EYS: variants seen among roughly 807,000 people sequenced by gnomAD.
EYS encodes EGF-like photoreceptor maintenance factor.
EYS carries 250 observed loss-of-function variants against 282.1 expected under a neutral mutation model. The ratio of observed to expected loss-of-function variants is 0.89; its 90% CI spans 0.80 to 0.98. The LOEUF is 0.98. EYS is among the 50% of genes least tolerant of loss of function. The pLI is 0.00. For missense variants in EYS, 4,016 were observed against 3,709.0 expected (o/e 1.08, Z -2.15); for synonymous variants, 1,355 against 1,282.9 (o/e 1.06, Z -1.20).
intron 14 of EYS, among the ~76,000 whole-genome samples, chr6:64,975,909 A>AT (rs1248813388): frequency 5.9e-5 from 9 of 151,836 alleles, no homozygotes; most frequent in Non-Finnish European, 8.8e-5. Context: ...ATTTTATGTG[A>AT]TTTTTTTAAA....
chr6:63,827,883 A>T (rs1324573661), intron 36 of EYS, among the ~76,000 whole-genome samples: 1 of 151,372 alleles, frequency 6.6e-6, no homozygotes, highest in African/African-American at 2.4e-5. Context: ...AAATTACATC[A>T]AGCACTCTCT....
intron 28 of EYS, among the ~76,000 whole-genome samples, chr6:64,399,260 TA>T (rs1773473697): frequency 6.6e-6 from 1 of 151,714 alleles, no homozygotes; most frequent in Non-Finnish European, 1.5e-5. Flanking sequence ...ACAAGCAATA[TA>T]AGCTCATTAT....
chr6:64,988,740 T>C (rs191041048), intron 14 of EYS, among the ~76,000 whole-genome samples: 9 of 151,820 alleles, frequency 5.9e-5, no homozygotes, highest in Non-Finnish European at 1.0e-4. Context: ...TGTTAAGAGT[T>C]AGCAGTCTTC....
At chr6:64,435,313 C>A (rs1774705739) in intron 28 of EYS, among the ~76,000 whole-genome samples, 1 of 151,732 alleles carries the variant, frequency 6.6e-6, no homozygotes, top group Non-Finnish European at 1.5e-5. Context: ...TTTGGTCAAT[C>A]ATTTGTAAGA....
At position 63,721,592 on chromosome 6, in the gene EYS, A is replaced by T; in HGVS notation, c.8439T>A (p.Ser2813Arg). The change falls in exon 43 of 43, where the codon AGT becomes AGA. Residue 2813 changes from serine (S) to arginine (R), a missense_variant. Ser to Arg is a moderately radical substitution (Grantham distance 110). Coordinates refer to ENST00000503581, the MANE Select transcript of EYS (RefSeq NM_001142800.2). ...AGAAGTCTGTATTTGTGTCCAGAGAACTCATTTTAGTGGAGGCCTTTTCTG... is the reference window on the plus strand; with the variant it reads ...AGAAGTCTGTATTTGTGTCCAGAGATCTCATTTTAGTGGAGGCCTTTTCTG... ...NVTEKASTKMSSLDTNTDFYI... is the reference protein window; with the variant it reads ...NVTEKASTKMRSLDTNTDFYI... 6.4e-7 allele frequency: 1 copy of T among 1,551,262 alleles called. No individual in the cohort carries two copies. Among genetic ancestry groups the T allele is most frequent in the Non-Finnish European group, 8.7e-7 (1 of 1,146,554 alleles).
chr6:64,391,171 G>A (rs1006306048), intron 28 of EYS, among the ~76,000 whole-genome samples: 1 of 152,028 alleles, frequency 6.6e-6, no homozygotes, highest in African/African-American at 2.4e-5. Context: ...AAAGTGATGG[G>A]GAGAATGGAA....
At chr6:65,619,433 T>A (rs1038554387) in intron 2 of EYS, among the ~76,000 whole-genome samples, 2 of 152,238 alleles carry the variant, frequency 1.3e-5, no homozygotes, top group African/African-American at 4.8e-5. Context: ...AAGTTGTTTA[T>A]CAGCTTTAGG....
chr6:65,258,203 C>A (rs753140542), intron 12 of EYS, among the ~76,000 whole-genome samples: 1 of 151,816 alleles, frequency 6.6e-6, no homozygotes, highest in African/African-American at 2.4e-5. Flanking sequence ...ACATGGATAT[C>A]ATTTTCCAGT....
At chr6:65,313,942 G>A (rs531863451) in intron 11 of EYS, among the ~76,000 whole-genome samples, 1 of 152,292 alleles carries the variant, frequency 6.6e-6, no homozygotes, top group African/African-American at 2.4e-5. Flanking sequence ...TATCTGATCA[G>A]ACCCTCTGCA....
intron 27 of EYS, among the ~76,000 whole-genome samples, chr6:64,438,763 G>A (rs751069019): frequency 1.1e-4 from 17 of 151,510 alleles, no homozygotes; most frequent in Non-Finnish European, 2.1e-4. Flanking sequence ...TCTCCGTATA[G>A]TATATGAGCT....
rs138094968 is a variant in EYS at position 65,417,368 on chromosome 6, A to G, written c.863-12001T>C. ...GTTATTAATTCAGTTTTGGCCATGC[A>G]GGATATGAAAGTTTAGCAGTTAAAA... is the stretch of plus-strand genomic sequence containing the variant. On this transcript the variant is annotated intron_variant, in intron 5 of 42. Coordinates refer to ENST00000503581, the MANE Select transcript of EYS (RefSeq NM_001142800.2). 7.4e-3 allele frequency among the ~76,000 whole-genome samples: 1,125 copies of G among 152,176 alleles called. 6 individuals carry two copies. Among genetic ancestry groups the G allele is most frequent in the Middle Eastern group, 0.02 (6 of 294 alleles).
rs189779691 is a variant in EYS, at chr6:65,650,211, A to G, written c.-447-10319T>C. On this transcript the variant is annotated intron_variant, in intron 1 of 42. Transcript: ENST00000503581. ...AGAGAAAAGACTGAGTATCTATACC[A>G]TATAATACTTTAAATAGAAAACATT... is the stretch of plus-strand genomic sequence containing the variant. 2.7e-3 allele frequency among the ~76,000 whole-genome samples: 416 copies of G among 152,296 alleles called. 2 individuals carry two copies. Among genetic ancestry groups the G allele is most frequent in the African/African-American group, 9.6e-3 (398 of 41,568 alleles).
intron 1 of EYS, among the ~76,000 whole-genome samples, chr6:65,684,234 G>A (rs143465982): frequency 2.6e-4 from 40 of 152,106 alleles, no homozygotes; most frequent in East Asian, 1.5e-3. Flanking sequence ...AGAAGGGTGC[G>A]AGACACAGTC....
intron 28 of EYS, among the ~76,000 whole-genome samples, chr6:64,389,982 T>C (rs963489408): frequency 8.7e-5 from 13 of 149,154 alleles, no homozygotes; most frequent in Admixed American, 7.4e-4. Flanking sequence ...GGTCAGGGAG[T>C]TCCCTTTCCG....
intron 29 of EYS, among the ~76,000 whole-genome samples, chr6:64,357,456 TCTA>T (rs1393805812): frequency 6.6e-6 from 1 of 151,616 alleles, no homozygotes; most frequent in East Asian, 1.9e-4. Context: ...TGCCACTAAT[TCTA>T]AATATTTTTT....
intron 31 of EYS, among the ~76,000 whole-genome samples, chr6:64,145,409 A>C (rs9353533): frequency 0.26 from 39,702 of 152,106 alleles, 5,480 homozygotes; most frequent in East Asian, 0.45. Flanking sequence ...CTACAATGAC[A>C]CTTAGAAATA....
intron 35 of EYS, among the ~76,000 whole-genome samples, chr6:63,869,007 G>C (rs1451983815): frequency 6.6e-6 from 1 of 152,042 alleles, no homozygotes; most frequent in Non-Finnish European, 1.5e-5. Flanking sequence ...TGAAAATAAT[G>C]GGAAAAAAAT....
At chr6:65,268,660 T>G (rs947959316) in intron 12 of EYS, among the ~76,000 whole-genome samples, 1 of 152,078 alleles carries the variant, frequency 6.6e-6, no homozygotes. Context: ...TTTTAGCAAC[T>G]ATATCGAAAT....
chr6:64,707,068 T>A (rs1318282694), intron 22 of EYS, among the ~76,000 whole-genome samples: 1 of 151,386 alleles, frequency 6.6e-6, no homozygotes, highest in Non-Finnish European at 1.5e-5. Context: ...TGCCCATTAA[T>A]CAATCAGTGG....
Sources: gnomAD v4.1 joint callset for allele counts (sites outside exome capture counted in the v4.1 genomes callset) on GRCh38, gnomAD v4.1.1 for gene constraint, MANE v1.5 for transcripts, NCBI Gene and HGNC (gene_info 2026-07-23, HGNC 2026-07-21) for gene names.